TTC17: variants seen among roughly 807,000 people sequenced by gnomAD.
The protein encoded by TTC17 is tetratricopeptide repeat domain 17, also known as tetratricopeptide repeat protein 17.
In TTC17, 58 loss-of-function variants were observed where a neutral mutation model predicts 143.8. The observed-to-expected ratio is 0.40, with a 90% CI of 0.33 to 0.50. TTC17 has a LOEUF of 0.50. Among genes scored for constraint, TTC17 ranks in the 20% least tolerant of loss-of-function variants. The pLI is 0.49. For missense variants in TTC17, 1,273 were observed against 1,392.5 expected, an observed-to-expected ratio of 0.91 and a Z score of 1.37; for synonymous variants, 501 against 497.8, an observed-to-expected ratio of 1.01 and a Z score of -0.09.
chr11:43,390,665 AAAAT>A (rs1478324731), intron 3 of TTC17, among the ~76,000 whole-genome samples: 1 of 150,980 alleles, frequency 6.6e-6, no homozygotes, highest in African/African-American at 2.4e-5. Flanking sequence ...ATAAAAATGA[AAAAT>A]AAAAAAGAGA....
chr11:43,447,920 G>A (rs1947579569), intron 18 of TTC17, 82 bp from the exon 19 acceptor site: 6 of 1,536,606 alleles, frequency 3.9e-6, no homozygotes, highest in African/African-American at 1.4e-5. Context: ...ACCAATCCAG[G>A]TGAAGTAATC....
chr11:43,472,788 T>C (rs1948114951), intron 21 of TTC17, among the ~76,000 whole-genome samples: 1 of 151,908 alleles, frequency 6.6e-6, no homozygotes, highest in African/African-American at 2.4e-5. Flanking sequence ...CAGTTAAATT[T>C]TAACACATTT....
At chr11:43,397,313 T>C in intron 6 of TTC17, 34 bp from the exon 7 acceptor site, 1 of 1,583,698 alleles carries the variant, frequency 6.3e-7, no homozygotes, top group East Asian at 2.2e-5. Flanking sequence ...CAAGTGGTTC[T>C]ACATAATCAT....
chr11:43,483,711 C>T (rs2134472623), intron 21 of TTC17, among the ~76,000 whole-genome samples: 1 of 152,248 alleles, frequency 6.6e-6, no homozygotes, highest in African/African-American at 2.4e-5. Flanking sequence ...AAATAATCAA[C>T]AAAACATCTA....
intron 9 of TTC17, among the ~76,000 whole-genome samples, chr11:43,400,763 C>G (rs960428085): frequency 1.3e-5 from 2 of 152,002 alleles, no homozygotes; most frequent in Non-Finnish European, 2.9e-5. Flanking sequence ...AAAATAGAAC[C>G]ACTGGTTTAT....
Position 43,444,225 on chromosome 11 carries a change from T to A in TTC17, c.2665+16T>A, listed in dbSNP as rs1326598486. The A allele has an allele frequency of 6.3e-7, 1 of 1,587,010 alleles. No homozygotes were observed. Among genetic ancestry groups the A allele is most frequent in the Non-Finnish European group, 8.5e-7 (1 of 1,171,436 alleles). ...GGGCCACAAGGTAAATTTGAATGTT[T>A]AATATGCCAGTTTCTTGTTTTAGAT... On this transcript the variant is annotated intron_variant, in intron 18 of 23. Transcript: ENST00000039989.
At chr11:43,421,310 A>G (rs548669862) in intron 16 of TTC17, among the ~76,000 whole-genome samples, 2 of 152,334 alleles carry the variant, frequency 1.3e-5, no homozygotes, top group South Asian at 4.1e-4. Flanking sequence ...AATAGCAAGG[A>G]GGGCTTTCCA....
intron 6 of TTC17, 100 bp from the exon 7 acceptor site, chr11:43,397,247 C>A: frequency 7.8e-7 from 1 of 1,281,998 alleles, no homozygotes; most frequent in Non-Finnish European, 1.1e-6. Flanking sequence ...CTTATTTTCT[C>A]CACCTATATC....
At chr11:43,385,037 G>A (rs1349963105) in intron 2 of TTC17, among the ~76,000 whole-genome samples, 1 of 152,098 alleles carries the variant, frequency 6.6e-6, no homozygotes, top group African/African-American at 2.4e-5. Flanking sequence ...CGGCCTCATG[G>A]ATATAAGTAT....
chr11:43,485,094 A>G (rs1948357554), intron 21 of TTC17, among the ~76,000 whole-genome samples: 1 of 152,120 alleles, frequency 6.6e-6, no homozygotes, highest in Non-Finnish European at 1.5e-5. Context: ...TAATAATAAT[A>G]GAAATAAAGT....
At chr11:43,360,202 A>G (rs1202919997) in intron 1 of TTC17, among the ~76,000 whole-genome samples, 1 of 152,186 alleles carries the variant, frequency 6.6e-6, no homozygotes, top group Non-Finnish European at 1.5e-5. Context: ...TGTAATTGCA[A>G]ATTCTATCTC....
chr11:43,445,330 G>T (rs1478111148), intron 18 of TTC17, among the ~76,000 whole-genome samples: 1 of 151,950 alleles, frequency 6.6e-6, no homozygotes, highest in Non-Finnish European at 1.5e-5. Context: ...TTTACAGTTG[G>T]CAGCATCTTA....
intron 21 of TTC17, chr11:43,468,292 C>A (rs1234232596): frequency 6.6e-6 from 1 of 152,046 alleles, no homozygotes; most frequent in Admixed American, 6.5e-5. Context: ...ATGTTATTGG[C>A]AAAATGATAG....
chr11:43,394,343 A>G (rs1195905819), intron 5 of TTC17, among the ~76,000 whole-genome samples: 3 of 152,260 alleles, frequency 2.0e-5, no homozygotes, highest in Non-Finnish European at 4.4e-5. Flanking sequence ...ATGTATTGCA[A>G]TTAATAGTTG....
intron 16 of TTC17, 28 bp downstream of exon 16, chr11:43,414,804 T>C (rs1450170660): frequency 8.1e-6 from 13 of 1,601,664 alleles, no homozygotes; most frequent in Non-Finnish European, 1.1e-5. Flanking sequence ...GCTGACAAAC[T>C]AATGAGCTCA....
chr11:43,433,670 A>C (rs1947212739), intron 16 of TTC17, among the ~76,000 whole-genome samples: 1 of 152,180 alleles, frequency 6.6e-6, no homozygotes, highest in African/African-American at 2.4e-5. Context: ...AAAAGATGAG[A>C]CCAATTAAAT....
At chr11:43,491,738 G>A (rs925000004) in intron 22 of TTC17, 23 of 373,808 alleles carry the variant, frequency 6.2e-5, no homozygotes, top group Non-Finnish European at 1.0e-4. Flanking sequence ...TTCACCAGAA[G>A]AAACCAACTA....
intron 18 of TTC17, 28 bp downstream of exon 18, chr11:43,444,237 T>C (rs749470723): frequency 1.3e-6 from 2 of 1,581,540 alleles, no homozygotes; most frequent in Non-Finnish European, 1.7e-6. Context: ...ATATGCCAGT[T>C]TCTTGTTTTA....
rs770681453 is a variant in TTC17 at position 43,450,162 on chromosome 11, G to A, written c.2867G>A (p.Ser956Asn). Residue 956 changes from serine to asparagine, a missense_variant, in exon 20 of 24, where the codon AGT (serine) becomes AAT (asparagine). Physicochemically the swap from Ser to Asn is conservative, Grantham distance 46. Coordinates refer to ENST00000039989, the MANE Select transcript of TTC17 (RefSeq NM_018259.6). Reference sequence around the variant, plus strand: ...CTTTGCAATGGCAATCTCCCCACGAGTATGCATACCCTGGACCACTTGCAT... The same window carrying A: ...CTTTGCAATGGCAATCTCCCCACGAATATGCATACCCTGGACCACTTGCAT... ...EPLCNGNLPTSMHTLDHLHGV... is the reference protein window; with the variant it reads ...EPLCNGNLPTNMHTLDHLHGV... The A allele has an allele frequency of 6.2e-7, 1 of 1,614,142 alleles. No homozygotes were observed. The highest frequency in any genetic ancestry group is 8.5e-7 in the Non-Finnish European group (1 of 1,180,026).
Sources: allele counts gnomAD v4.1 joint callset (sites outside exome capture counted in the v4.1 genomes callset), GRCh38; gene constraint gnomAD v4.1.1; transcripts MANE v1.5; gene names NCBI Gene and HGNC (gene_info 2026-07-23, HGNC 2026-07-21).